SIPA1L1: variants seen among roughly 807,000 people sequenced by gnomAD.
The protein encoded by SIPA1L1 is signal induced proliferation associated 1 like 1.
A neutral mutation model predicts 162.7 loss-of-function variants in SIPA1L1; 26 were observed. The ratio of observed to expected loss-of-function variants is 0.16; its 90% CI spans 0.12 to 0.22. The LOEUF (loss-of-function observed/expected upper bound fraction) is 0.22. Among genes scored for constraint, SIPA1L1 ranks in the 10% least tolerant of loss-of-function variants. The pLI is 1.00. For synonymous variants in SIPA1L1, 829 were observed against 837.4 expected, an observed-to-expected ratio of 0.99 and a Z score of 0.17; for missense variants, 1,874 against 2,241.0, an observed-to-expected ratio of 0.84 and a Z score of 3.31.
At chr14:71,637,858 G>A (rs1455054516) in intron 7 of SIPA1L1, among the ~76,000 whole-genome samples, 1 of 151,918 alleles carries the variant, frequency 6.6e-6, no homozygotes, top group Admixed American at 6.6e-5. Flanking sequence ...ATGAATACAG[G>A]GGTACTACTC....
chr14:71,321,369 A>T lies in SIPA1L1; in HGVS notation c.-465+188A>T, dbSNP rs138623345. Reference sequence around the variant, plus strand: ...GCCCGGCGGGGGCGAGTCCGGCTTCACCGCGCCCGGCGCGCGCGCACGCAC... The same window carrying T: ...GCCCGGCGGGGGCGAGTCCGGCTTCTCCGCGCCCGGCGCGCGCGCACGCAC... On this transcript the variant is annotated intron_variant, in intron 2 of 23. Transcript: ENST00000381232. The T allele has an allele frequency of 4.6e-3, 704 of 152,108 alleles. 4 individuals carry two copies. The highest frequency in any genetic ancestry group is 7.1e-3 in the Non-Finnish European group (484 of 68,094). The allele number at this position is 152,108 out of a possible 1,614,324, so 9.4% of individuals were successfully genotyped here.
In SIPA1L1 at chr14:71,646,795, T is replaced by TAAACCTAGCCTGTTCCC. The variant is rs542854170; in HGVS notation, c.1819-3539_1819-3538insAACCTAGCCTGTTCCCA. Among the ~76,000 whole-genome samples, 1,210 of 152,286 alleles carry TAAACCTAGCCTGTTCCC rather than the reference T, an allele frequency of 7.9e-3. 9 individuals carry two copies. The highest frequency in any genetic ancestry group is 0.023 in the African/African-American group (969 of 41,568). On this transcript the variant is annotated intron_variant, in intron 7 of 23. Coordinates refer to ENST00000381232, the MANE Select transcript of SIPA1L1 (RefSeq NM_001386936.1). ...CCAAAGCAAAATGCTAAACTGTGGA[T>TAAACCTAGCCTGTTCCC]AGGAGGGCTTCTGGTGTCATCATAA...
rs1011717968 is a variant in SIPA1L1, at chr14:71,446,518, T to C, written c.-464-66225T>C. Among the ~76,000 whole-genome samples, 6 of 152,250 alleles carry C rather than the reference T, an allele frequency of 3.9e-5. No individual in the cohort carries two copies. In the East Asian group the frequency reaches 5.8e-4, roughly 15 times the overall value. ...GGAGTTCCAGGCTGCAGCTGAGTTATGATCATGCCACTGCACTTCAGCTTG... is the reference window on the plus strand; with the variant it reads ...GGAGTTCCAGGCTGCAGCTGAGTTACGATCATGCCACTGCACTTCAGCTTG... On this transcript the variant is annotated intron_variant, in intron 2 of 23. Transcript: ENST00000381232.
chr14:71,556,354 G>A (rs528188221), intron 4 of SIPA1L1, among the ~76,000 whole-genome samples: 11 of 152,204 alleles, frequency 7.2e-5, no homozygotes, highest in African/African-American at 2.2e-4. Context: ...GCCAAACAGC[G>A]TACACTGGCT....
chr14:71,438,243 A>G (rs1595462772), intron 2 of SIPA1L1, among the ~76,000 whole-genome samples: 1 of 152,162 alleles, frequency 6.6e-6, no homozygotes, highest in African/African-American at 2.4e-5. Context: ...TTCTTTAATC[A>G]TCACCCACAT....
intron 2 of SIPA1L1, among the ~76,000 whole-genome samples, chr14:71,434,620 C>T (rs1165470907): frequency 6.6e-6 from 1 of 152,058 alleles, no homozygotes; most frequent in African/African-American, 2.4e-5. Context: ...GCCTTGTTGC[C>T]CAGGCTGGAG....
intron 2 of SIPA1L1, chr14:71,449,081 C>T (rs935757773): frequency 6.6e-6 from 1 of 152,200 alleles, no homozygotes; most frequent in African/African-American, 2.4e-5. Context: ...GGTGTTTGCT[C>T]TTTGAGTCAG....
At chr14:71,550,424 A>G (rs1350334294) in intron 4 of SIPA1L1, among the ~76,000 whole-genome samples, 2 of 152,170 alleles carry the variant, frequency 1.3e-5, no homozygotes, top group East Asian at 3.8e-4. Flanking sequence ...GCTCACTGAA[A>G]ACATCTGAAA....
chr14:71,736,560 C>G (rs2085311770), intron 22 of SIPA1L1, among the ~76,000 whole-genome samples: 1 of 152,164 alleles, frequency 6.6e-6, no homozygotes, highest in Non-Finnish European at 1.5e-5. Flanking sequence ...GAAGTGCTCT[C>G]AACGAGAAGG....
chr14:71,418,960 A>C (rs2042984216), intron 2 of SIPA1L1, among the ~76,000 whole-genome samples: 1 of 152,192 alleles, frequency 6.6e-6, no homozygotes, highest in Non-Finnish European at 1.5e-5. Flanking sequence ...GAAGGCCATT[A>C]CTACTCACAT....
intron 2 of SIPA1L1, among the ~76,000 whole-genome samples, chr14:71,370,726 C>T (rs1488667439): frequency 6.6e-6 from 1 of 152,118 alleles, no homozygotes; most frequent in Non-Finnish European, 1.5e-5. Flanking sequence ...CTTGCGTGCC[C>T]AAGGTCAGTT....
chr14:71,589,190 A>G lies in SIPA1L1; in HGVS notation c.1318A>G (p.Ser440Gly), dbSNP rs772946742. 34 of 1,613,978 alleles carry G rather than the reference A, an allele frequency of 2.1e-5. No individual in the cohort carries two copies. Among genetic ancestry groups the G allele is most frequent in the Middle Eastern group, 1.6e-4 (1 of 6,084 alleles). ...SLSKSNSGSF[S>G]GCESASFEST... ...TTCAAAATCAAATTCTGGCTCCTTT[A>G]GTGGATGTGAAAGTGCCTCCTTTGA... The change falls in exon 5 of 24, where the codon AGT (serine) becomes GGT (glycine). Residue 440 changes from serine (S) to glycine (G), a missense_variant. This residue lies in a region of SIPA1L1 where 685 missense variants were observed against 828.0 expected (regional missense o/e 0.83). Transcript: ENST00000381232.
Position 71,398,627 on chromosome 14 carries a change from C to G in SIPA1L1, c.-465+77446C>G, listed in dbSNP as rs552580798. 3.3e-5 allele frequency among the ~76,000 whole-genome samples: 5 copies of G among 152,272 alleles called. No homozygotes were observed. In the South Asian group the frequency reaches 1.0e-3, roughly 32 times the overall value. ...GATCATCTTTGTAATCTCGGAATGA[C>G]TGATAGCACACAAGTTCATGGATGC... is the stretch of plus-strand genomic sequence containing the variant. On this transcript the variant is annotated intron_variant, in intron 2 of 23. Transcript: ENST00000381232.
intron 7 of SIPA1L1, among the ~76,000 whole-genome samples, chr14:71,645,483 A>G (rs2042076917): frequency 6.6e-6 from 1 of 152,240 alleles, no homozygotes; most frequent in African/African-American, 2.4e-5. Context: ...TGAGAAAGCT[A>G]TCATAAAGCA....
intron 13 of SIPA1L1, among the ~76,000 whole-genome samples, chr14:71,688,787 C>T (rs1754818985): frequency 6.6e-6 from 1 of 152,170 alleles, no homozygotes; most frequent in Non-Finnish European, 1.5e-5. Context: ...GTCTGCCAGA[C>T]CTTGAATCTT....
chr14:71,501,253 G>A (rs568215872), intron 2 of SIPA1L1, among the ~76,000 whole-genome samples: 208 of 152,114 alleles, frequency 1.4e-3, no homozygotes, highest in Non-Finnish European at 2.5e-3. Flanking sequence ...CCCAGGAGTC[G>A]AGGCTACAGT....
At chr14:71,350,356 C>T (rs1401608351) in intron 2 of SIPA1L1, among the ~76,000 whole-genome samples, 9 of 151,788 alleles carry the variant, frequency 5.9e-5, no homozygotes, top group African/African-American at 1.9e-4. Context: ...TGTAGTGAGC[C>T]GAGATCGCAC....
In SIPA1L1 at chr14:71,588,751, A is replaced by T. The variant is rs1859643; in HGVS notation, c.879A>T (p.Ser293=). 1 of 1,613,904 alleles carries T rather than the reference A, an allele frequency of 6.2e-7. No individual in the cohort carries two copies. The change falls in exon 5 of 24, where the codon TCA becomes TCT. Residue 293 remains serine (S), a synonymous_variant. Transcript: ENST00000381232. This position sits in a 1 kb window ranked among gnomAD's most constrained non-coding sequence, Gnocchi z 4.3. The part of the protein sequence containing the change: ...KRRSKSETGD[S]SIFRKLRNAK... ...GTTCAAAATCTGAAACTGGAGACTC[A>T]TCTATTTTTCGTAAATTGCGCAATG...
At chr14:71,708,042 T>G (rs1432167620) in intron 16 of SIPA1L1, among the ~76,000 whole-genome samples, 2 of 149,502 alleles carry the variant, frequency 1.3e-5, no homozygotes, top group East Asian at 1.9e-4. Flanking sequence ...TTTTTTTTTT[T>G]TTTTGGAGAA....
Sources: gnomAD v4.1 joint callset for allele counts (sites outside exome capture counted in the v4.1 genomes callset) on GRCh38, gnomAD v4.1.1 for gene constraint, gnomAD v4.1.1 regional missense constraint, Gnocchi (gnomAD v3.1) non-coding constraint, MANE v1.5 for transcripts, NCBI Gene and HGNC (gene_info 2026-07-23, HGNC 2026-07-21) for gene names.